Variants in FGF14 observed in about 807,000 individuals in gnomAD.
The protein encoded by FGF14 is fibroblast growth factor 14.
A neutral mutation model predicts 25.5 loss-of-function variants in FGF14; 5 were observed. The observed-to-expected ratio is 0.20, with a 90% CI of 0.10 to 0.41. FGF14 has a LOEUF of 0.41. Among genes scored for constraint, FGF14 ranks in the 10% least tolerant of loss-of-function variants. FGF14 has a pLI of 1.00. For missense variants in FGF14, 222 were observed against 320.1 expected (o/e 0.69, Z 2.34); for synonymous variants, 138 against 118.3 (o/e 1.17, Z -1.08).
At chr13:101,856,063 G>A (rs7989852) in intron 3 of FGF14, among the ~76,000 whole-genome samples, 99,547 of 151,540 alleles carry the variant, frequency 0.66, 33,292 homozygotes, top group African/African-American at 0.77. Flanking sequence ...CTGTAAAACC[G>A]TCTTTCAAAT....
chr13:102,353,531 T>A (rs2057345014), intron 1 of FGF14, among the ~76,000 whole-genome samples: 1 of 152,200 alleles, frequency 6.6e-6, no homozygotes, highest in Admixed American at 6.5e-5. Context: ...AAGTTCCTCC[T>A]CAGGTGCCTC....
chr13:101,997,788 G>A (rs901145968), intron 1 of FGF14, among the ~76,000 whole-genome samples: 7 of 152,134 alleles, frequency 4.6e-5, no homozygotes, highest in Admixed American at 1.3e-4. Flanking sequence ...CCTAATAGAA[G>A]AGATTACTGT....
Position 101,878,167 on chromosome 13 carries a change from C to A in FGF14, c.194-2871G>T, listed in dbSNP as rs570395585. ...GCCTCACCTGGGTCACTGTGGGTTA[C>A]CTATAAATATTCCATAATTTCCCAC... is the stretch of plus-strand genomic sequence containing the variant. On this transcript the variant is annotated intron_variant, in intron 1 of 4. Transcript: ENST00000376143. Among the ~76,000 whole-genome samples, 3 of 152,274 alleles carry A rather than the reference C, an allele frequency of 2.0e-5. No homozygotes were observed. The East Asian group carries it at 5.8e-4, about 29-fold the overall frequency.
intron 1 of FGF14, among the ~76,000 whole-genome samples, chr13:102,272,738 A>T (rs2141168730): frequency 6.6e-6 from 1 of 152,214 alleles, no homozygotes; most frequent in African/African-American, 2.4e-5. Context: ...CTAGCCCAAG[A>T]TCGTATAGAT....
chr13:102,045,863 T>C (rs1555346142), intron 1 of FGF14: 1 of 152,824 alleles, frequency 6.5e-6, no homozygotes, highest in Non-Finnish European at 1.5e-5. Flanking sequence ...GCATTAAGCA[T>C]GTCATTCATG....
In FGF14 at chr13:101,813,177, C is replaced by G. The variant is rs114837279; in HGVS notation, c.408+55548G>C. On this transcript the variant is annotated intron_variant, in intron 3 of 4. Coordinates refer to ENST00000376143, the MANE Select transcript of FGF14 (RefSeq NM_004115.4). ...GTACCCAAAGAACCCTTACCTGCAT[C>G]CAGATCTCCTGAATTTTAAACGAGT... Among the ~76,000 whole-genome samples, 551 of 152,226 alleles carry G rather than the reference C, an allele frequency of 3.6e-3. 6 individuals are homozygous for G. Among genetic ancestry groups the G allele is most frequent in the African/African-American group, 0.013 (530 of 41,542 alleles).
chr13:101,981,989 A>T (rs2038296278), intron 1 of FGF14, among the ~76,000 whole-genome samples: 1 of 152,130 alleles, frequency 6.6e-6, no homozygotes, highest in Admixed American at 6.6e-5. Context: ...GGGGAAAATA[A>T]ATGATGTAGC....
In FGF14 at chr13:101,714,969, A is replaced by G; in HGVS notation, c.*7862T>C. ...TGCTTTTAGGGAACTGGATGTGTGTATGGGGGAGAGGTATAAAGAGGGCTC... is the reference window on the plus strand; with the variant it reads ...TGCTTTTAGGGAACTGGATGTGTGTGTGGGGGAGAGGTATAAAGAGGGCTC... On this transcript the variant is annotated 3_prime_UTR_variant, in exon 5 of 5. Coordinates refer to ENST00000376143, the MANE Select transcript of FGF14 (RefSeq NM_004115.4). The G allele has an allele frequency of 5.2e-6, 1 of 190,742 alleles. No individual in the cohort carries two copies. Among genetic ancestry groups the G allele is most frequent in the South Asian group, 1.1e-4 (1 of 8,894 alleles). 11.8% of individuals were successfully genotyped at this position (190,742 alleles called of 1,614,324 possible). A position where few individuals can be genotyped will look rare whatever the true frequency, so the allele number is the denominator to read the frequency against.
chr13:101,898,503 C>T (rs1218294413), intron 1 of FGF14, among the ~76,000 whole-genome samples: 1 of 151,962 alleles, frequency 6.6e-6, no homozygotes, highest in East Asian at 1.9e-4. Flanking sequence ...AAAAGCTAGT[C>T]AATATTTTTC....
At chr13:101,926,007 C>T (rs774721319) in intron 1 of FGF14, among the ~76,000 whole-genome samples, 3 of 152,188 alleles carry the variant, frequency 2.0e-5, no homozygotes, top group Non-Finnish European at 4.4e-5. Flanking sequence ...GATCCTCCTG[C>T]CTCCCTCTTC....
chr13:101,735,661 T>C (rs1229674227), intron 3 of FGF14, among the ~76,000 whole-genome samples: 1 of 143,118 alleles, frequency 7.0e-6, no homozygotes, highest in African/African-American at 2.8e-5. Context: ...TTGCCAATTA[T>C]CCCCATAGGA....
At chr13:102,250,165 T>G (rs1299584090) in intron 1 of FGF14, among the ~76,000 whole-genome samples, 1 of 152,158 alleles carries the variant, frequency 6.6e-6, no homozygotes, top group Admixed American at 6.5e-5. Context: ...GAAACAGAGC[T>G]AGGTCACAAC....
chr13:101,725,191 T>TA (rs2035330073), intron 4 of FGF14, among the ~76,000 whole-genome samples: 1 of 152,094 alleles, frequency 6.6e-6, no homozygotes, highest in African/African-American at 2.4e-5. Context: ...GTGGGCTTAT[T>TA]TTTTAATTTT....
chr13:101,943,393 G>A (rs188412699), intron 1 of FGF14, among the ~76,000 whole-genome samples: 1 of 152,258 alleles, frequency 6.6e-6, no homozygotes, highest in Admixed American at 6.5e-5. Context: ...CCACCCCCAG[G>A]GGTAATTTGG....
chr13:102,271,486 A>T (rs888499172), intron 1 of FGF14, among the ~76,000 whole-genome samples: 8 of 150,918 alleles, frequency 5.3e-5, no homozygotes, highest in African/African-American at 1.5e-4. Flanking sequence ...CCAAACTCCA[A>T]CCCATCATCA....
At chr13:102,218,835 C>A (rs559332429) in intron 1 of FGF14, among the ~76,000 whole-genome samples, 1 of 152,036 alleles carries the variant, frequency 6.6e-6, no homozygotes, top group East Asian at 1.9e-4. Flanking sequence ...ATTTTATAAA[C>A]CTAAGATTAT....
intron 3 of FGF14, among the ~76,000 whole-genome samples, chr13:101,784,354 T>G (rs1016938840): frequency 1.4e-4 from 21 of 152,142 alleles, no homozygotes; most frequent in African/African-American, 4.6e-4. Flanking sequence ...GCCAGAAAAT[T>G]TTCTACATTC....
chr13:101,796,561 A>C (rs2040533479), intron 3 of FGF14, among the ~76,000 whole-genome samples: 1 of 152,032 alleles, frequency 6.6e-6, no homozygotes, highest in South Asian at 2.1e-4. Context: ...ACAGGGTCTT[A>C]AAGGGGCAAT....
chr13:102,043,062 A>G (rs1291972390), intron 1 of FGF14, among the ~76,000 whole-genome samples: 2 of 152,224 alleles, frequency 1.3e-5, no homozygotes, highest in African/African-American at 2.4e-5. Context: ...GGTCAGGACC[A>G]TATTTATCTT....
Sources: allele counts gnomAD v4.1 joint callset (sites outside exome capture counted in the v4.1 genomes callset), GRCh38; gene constraint gnomAD v4.1.1; transcripts MANE v1.5; gene names NCBI Gene and HGNC (gene_info 2026-07-23, HGNC 2026-07-21).